The following PDE6A variants were observed in gnomAD, a reference collection of about 807,000 sequenced individuals.
PDE6A encodes phosphodiesterase 6A, also known as rod cGMP-specific 3',5'-cyclic phosphodiesterase subunit alpha.
In PDE6A, 84 loss-of-function variants were observed where a neutral mutation model predicts 106.3. The observed-to-expected ratio is 0.79, with a 90% CI of 0.66 to 0.95. The LOEUF (loss-of-function observed/expected upper bound fraction) is 0.95. PDE6A is among the 40% of genes least tolerant of loss of function. The probability of loss-of-function intolerance (pLI) is 0.00; values close to 1 mark genes in which losing one functional copy is unlikely to be tolerated. For missense variants in PDE6A, 1,052 were observed against 1,084.9 expected, an observed-to-expected ratio of 0.97 and a Z score of 0.43; for synonymous variants, 394 against 386.6, an observed-to-expected ratio of 1.02 and a Z score of -0.23.
intron 1 of PDE6A, among the ~76,000 whole-genome samples, chr5:149,935,514 A>G (rs904372413): frequency 6.6e-6 from 1 of 152,200 alleles, no homozygotes; most frequent in Non-Finnish European, 1.5e-5. Context: ...ATGGGTGACC[A>G]AGGTTCAGGC....
At position 149,944,630 on chromosome 5, in the gene PDE6A, G is replaced by T. The variant is rs758708415; in HGVS notation, c.44C>A (p.Ser15Ter). The T allele has an allele frequency of 6.2e-7, 1 of 1,613,228 alleles. No homozygotes were observed. The highest frequency in any genetic ancestry group is 1.1e-5 in the South Asian group (1 of 90,946). The change falls in exon 1 of 22, where the codon TCG (serine) becomes TAG (stop). Residue 15 changes from serine to a stop codon, truncating the protein, a stop_gained. Coordinates refer to ENST00000255266, the MANE Select transcript of PDE6A (RefSeq NM_000440.3). LOFTEE classifies it high-confidence loss of function. ...TAEEVEKFLD[S>*]NIGFAKQYYN... ...GTACTGTTTGGCAAAGCCAATATTC[G>T]AGTCCAGGAACTTCTCCACCTCCTC...
rs1754259282 is a variant in PDE6A, at chr5:149,939,031, T to C, written c.475-4313A>G. On this transcript the variant is annotated intron_variant, in intron 1 of 21. Coordinates refer to ENST00000255266, the MANE Select transcript of PDE6A (RefSeq NM_000440.3). ...TTCTCCTTCACCCAGCCCCAGTCAC[T>C]GTTTGGTGGCGAAGGTTGCATTCTG... 2.0e-5 allele frequency among the ~76,000 whole-genome samples: 3 copies of C among 152,182 alleles called. No homozygotes were observed. In the South Asian group the frequency reaches 6.2e-4, roughly 32 times the overall value.
intron 10 of PDE6A, among the ~76,000 whole-genome samples, chr5:149,897,579 C>T (rs1752800449): frequency 6.6e-6 from 1 of 152,090 alleles, no homozygotes; most frequent in African/African-American, 2.4e-5. Flanking sequence ...AAACATTAGC[C>T]TGTCTTTATT....
At chr5:149,919,908 C>CCT (rs1753653908) in intron 5 of PDE6A, among the ~76,000 whole-genome samples, 1 of 152,148 alleles carries the variant, frequency 6.6e-6, no homozygotes, top group East Asian at 1.9e-4. Flanking sequence ...GTAGCTGACA[C>CCT]TGTGAGGCTT....
At chr5:149,875,697 C>G (rs1441221103) in intron 17 of PDE6A, among the ~76,000 whole-genome samples, 1 of 152,126 alleles carries the variant, frequency 6.6e-6, no homozygotes, top group Non-Finnish European at 1.5e-5. Flanking sequence ...CTATGTTGCC[C>G]AGGCTGGCCT....
At chr5:149,904,613 A>G (rs1288968109) in intron 7 of PDE6A, among the ~76,000 whole-genome samples, 1 of 152,084 alleles carries the variant, frequency 6.6e-6, no homozygotes, top group Non-Finnish European at 1.5e-5. Flanking sequence ...AGTTCTCAAA[A>G]AGGCACCACC....
intron 4 of PDE6A, among the ~76,000 whole-genome samples, chr5:149,928,904 C>T (rs1581207792): frequency 6.6e-6 from 1 of 152,044 alleles, no homozygotes; most frequent in Admixed American, 6.6e-5. Flanking sequence ...AAATATTCAA[C>T]CTCATCAGTC....
chr5:149,926,305 A>T (rs1323437761), intron 4 of PDE6A, among the ~76,000 whole-genome samples: 1 of 152,218 alleles, frequency 6.6e-6, no homozygotes, highest in Non-Finnish European at 1.5e-5. Context: ...GAGAATCCAG[A>T]AACAGACCCA....
At chr5:149,876,260 AT>A (rs151283357) in intron 17 of PDE6A, among the ~76,000 whole-genome samples, 12,296 of 150,640 alleles carry the variant, frequency 0.082, 668 homozygotes, top group South Asian at 0.22. Flanking sequence ...TATAGGGTGG[AT>A]TTTTTAAAAA....
intron 13 of PDE6A, among the ~76,000 whole-genome samples, chr5:149,890,174 C>T (rs1271461781): frequency 4.6e-5 from 7 of 152,000 alleles, no homozygotes; most frequent in Non-Finnish European, 1.0e-4. Context: ...GCAGGCTAGT[C>T]TTGAACTCCT....
At chr5:149,889,489 C>A (rs1216153725) in intron 13 of PDE6A, among the ~76,000 whole-genome samples, 3 of 151,994 alleles carry the variant, frequency 2.0e-5, no homozygotes, top group South Asian at 2.1e-4. Context: ...GTCACCCAGG[C>A]TAGAGTGCAC....
In PDE6A at chr5:149,886,285, G is replaced by T; in HGVS notation, c.1818C>A (p.Thr606=). ...CTCACTTCATCTGGTAGAGGTTATT[G>T]GTGCCTCTGTGGTCAATGTCATGGC... The part of the protein sequence containing the change: ...AFCHDIDHRG[T]NNLYQMKSQN... The change falls in exon 14 of 22, where the codon ACC becomes ACA. Residue 606 remains threonine, a synonymous_variant. Transcript: ENST00000255266. 1.2e-6 allele frequency: 2 copies of T among 1,613,168 alleles called. No homozygotes were observed. The highest frequency in any genetic ancestry group is 1.1e-5 in the South Asian group (1 of 91,056).
In PDE6A at chr5:149,933,923, C is replaced by T. The variant is rs1417327715; in HGVS notation, c.717+7G>A. On this transcript the variant is annotated splice_region_variant and intron_variant, in intron 3 of 21. Transcript: ENST00000255266. Reference sequence around the variant, plus strand: ...TCAAGTCCATTCCCTTGGCCCAAGCCCCTTACCTGGCCACGTCGAGTTTCA... The same window carrying T: ...TCAAGTCCATTCCCTTGGCCCAAGCTCCTTACCTGGCCACGTCGAGTTTCA... The T allele has an allele frequency of 1.9e-6, 3 of 1,608,488 alleles. No individual in the cohort carries two copies. In the Admixed American group the frequency reaches 5.0e-5, roughly 27 times the overall value.
At chr5:149,895,159 C>G (rs1219712732) in intron 13 of PDE6A, 24 bp downstream of exon 13, 6 of 1,478,728 alleles carry the variant, frequency 4.1e-6, no homozygotes, top group African/African-American at 1.4e-5. Flanking sequence ...GCCCACCCTA[C>G]CAGCCCCACC....
intron 17 of PDE6A, among the ~76,000 whole-genome samples, chr5:149,881,437 C>A (rs1402103468): frequency 6.6e-6 from 1 of 152,164 alleles, no homozygotes; most frequent in Non-Finnish European, 1.5e-5. Flanking sequence ...AAAATCATAG[C>A]CTTTGCAGCA....
chr5:149,892,214 G>T (rs1338478938), intron 13 of PDE6A, among the ~76,000 whole-genome samples: 1 of 152,002 alleles, frequency 6.6e-6, no homozygotes, highest in Non-Finnish European at 1.5e-5. Flanking sequence ...TACTTGGGAG[G>T]CTGAGATGGG....
chr5:149,913,571 A>G (rs556742021), intron 6 of PDE6A, among the ~76,000 whole-genome samples: 2 of 152,246 alleles, frequency 1.3e-5, no homozygotes, highest in Admixed American at 6.5e-5. Context: ...ACCAAACTGA[A>G]TCAGCATGGC....
At chr5:149,908,838 G>A (rs1390704323) in intron 6 of PDE6A, among the ~76,000 whole-genome samples, 2 of 151,862 alleles carry the variant, frequency 1.3e-5, no homozygotes, top group African/African-American at 4.8e-5. Context: ...GCAACATAGG[G>A]GGACTCCATC....
intron 1 of PDE6A, 63 bp downstream of exon 1, chr5:149,944,137 C>A: frequency 7.4e-7 from 1 of 1,354,238 alleles, no homozygotes; most frequent in Non-Finnish European, 1.1e-6. Flanking sequence ...CCTCACCCCA[C>A]CTGTACCCCA....
Sources: gnomAD v4.1 joint callset for allele counts (sites outside exome capture counted in the v4.1 genomes callset) on GRCh38, gnomAD v4.1.1 for gene constraint, MANE v1.5 for transcripts, NCBI Gene and HGNC (gene_info 2026-07-23, HGNC 2026-07-21) for gene names.